RYR2: variants seen among roughly 807,000 people sequenced by gnomAD.
RYR2 encodes cardiac muscle ryanodine receptor-calcium release channel.
Under a neutral mutation model 601.1 loss-of-function variants are expected in RYR2, and 227 were observed. That is an observed-to-expected ratio of 0.38 (90% CI 0.34 to 0.42). The LOEUF (loss-of-function observed/expected upper bound fraction) is 0.42, where lower values mean the gene tolerates loss of function less well. Ranked by LOEUF, RYR2 falls within the 10% of genes least tolerant of loss-of-function variation. The pLI, the probability that RYR2 is intolerant of heterozygous loss-of-function variation, is 1.00. For synonymous variants in RYR2, 2,223 were observed against 2,175.1 expected (o/e 1.02, Z -0.61); for missense variants, 4,646 against 6,156.5 (o/e 0.75, Z 8.21).
chr1:237,706,840 C>T (rs1236424740), intron 67 of RYR2, 109 bp from the exon 68 acceptor site: 7 of 875,798 alleles, frequency 8.0e-6, no homozygotes, highest in South Asian at 6.2e-5. Context: ...AGGCATGCCA[C>T]GTCTTGCTAA....
At chr1:237,354,158 T>C (rs758440280) in intron 3 of RYR2, among the ~76,000 whole-genome samples, 1 of 152,226 alleles carries the variant, frequency 6.6e-6, no homozygotes, top group Non-Finnish European at 1.5e-5. Flanking sequence ...TAAGCTTTTC[T>C]TTGGGTATTT....
At chr1:237,642,084 G>A (rs1031565688) in intron 47 of RYR2, among the ~76,000 whole-genome samples, 20 of 152,128 alleles carry the variant, frequency 1.3e-4, no homozygotes, top group Admixed American at 9.8e-4. Flanking sequence ...TTGGTGCTGG[G>A]GTAGTTAAGA....
At chr1:237,369,733 C>A in intron 6 of RYR2, 125 bp downstream of exon 6, 1 of 751,634 alleles carries the variant, frequency 1.3e-6, no homozygotes, top group Non-Finnish European at 2.2e-6. Flanking sequence ...TGTGTTCTTT[C>A]ATATCTTTGT....
At chr1:237,544,362 C>T (rs1369607321) in intron 25 of RYR2, among the ~76,000 whole-genome samples, 1 of 152,070 alleles carries the variant, frequency 6.6e-6, no homozygotes, top group African/African-American at 2.4e-5. Context: ...AGAAGTTTCT[C>T]ATGATGTTTG....
chr1:237,733,452 A>G (rs951060574), intron 78 of RYR2, among the ~76,000 whole-genome samples: 1 of 152,194 alleles, frequency 6.6e-6, no homozygotes, highest in Non-Finnish European at 1.5e-5. Flanking sequence ...ACCAAAAGAC[A>G]GTTTATTTTG....
chr1:237,460,388 A>G (rs1045919701), intron 16 of RYR2, among the ~76,000 whole-genome samples: 6 of 152,110 alleles, frequency 3.9e-5, no homozygotes, highest in African/African-American at 1.4e-4. Flanking sequence ...CACTGTTGAA[A>G]CTGGGTCAAC....
intron 62 of RYR2, 92 bp from the exon 63 acceptor site, chr1:237,687,361 TTC>T: frequency 3.2e-6 from 2 of 632,864 alleles, no homozygotes; most frequent in Non-Finnish European, 5.1e-6. Flanking sequence ...TTCTTTTTTC[TTC>T]TTCTTTTTTT....
In RYR2 at chr1:237,064,762, T is replaced by A. The variant is rs1375252183; in HGVS notation, c.48+22193T>A. Among the ~76,000 whole-genome samples the A allele has an allele frequency of 2.5e-3, 79 of 31,380 alleles. No homozygotes were observed. The East Asian group carries it at 0.05, about 20-fold the overall frequency. The allele number at this position is 31,380 out of a possible 152,430, so 20.6% of individuals were successfully genotyped here. On this transcript the variant is annotated intron_variant, in intron 1 of 104. Coordinates refer to ENST00000366574, the MANE Select transcript of RYR2 (RefSeq NM_001035.3). ...TTACTAGAACCTGTCTTTTTTTTTT[T>A]TTTTTTTTTTTTTTTTTTTTACTAG...
At chr1:237,165,954 C>T (rs1308697887) in intron 1 of RYR2, among the ~76,000 whole-genome samples, 1 of 152,134 alleles carries the variant, frequency 6.6e-6, no homozygotes, top group Non-Finnish European at 1.5e-5. Flanking sequence ...TATGATGCTG[C>T]TGCTGCACTC....
intron 10 of RYR2, among the ~76,000 whole-genome samples, chr1:237,409,583 C>T (rs1411030599): frequency 2.6e-5 from 4 of 152,010 alleles, no homozygotes; most frequent in Non-Finnish European, 4.4e-5. Flanking sequence ...TCTAGAAATA[C>T]CTGTTATGAC....
chr1:237,365,299 C>T (rs184685113), intron 5 of RYR2, among the ~76,000 whole-genome samples: 6 of 152,246 alleles, frequency 3.9e-5, no homozygotes, highest in Admixed American at 3.9e-4. Flanking sequence ...AAAGGAAGCG[C>T]GTTCTTGTCA....
At chr1:237,623,161 A>C (rs1679245354) in intron 38 of RYR2, among the ~76,000 whole-genome samples, 1 of 152,224 alleles carries the variant, frequency 6.6e-6, no homozygotes, top group Non-Finnish European at 1.5e-5. Flanking sequence ...CTTAAAGTAT[A>C]CAAGAGTCTG....
Position 237,819,740 on chromosome 1 carries a change from C to A in RYR2, c.14590+548C>A, listed in dbSNP as rs1558482188. ...GGCTGAGGCAGGAGAATTGCTTGAA[C>A]CCGGGAGGTGGAGGTTGCAGTGAGC... On this transcript the variant is annotated intron_variant, in intron 101 of 104. Coordinates refer to ENST00000366574, the MANE Select transcript of RYR2 (RefSeq NM_001035.3). The surrounding 1 kb of genome is among the most constrained non-coding windows in gnomAD (Gnocchi z 4.0). 6.6e-6 allele frequency among the ~76,000 whole-genome samples: 1 copy of A among 152,174 alleles called. No homozygotes were observed. The highest frequency in any genetic ancestry group is 2.4e-5 in the African/African-American group (1 of 41,506).
intron 28 of RYR2, 120 bp downstream of exon 28, chr1:237,566,895 T>A: frequency 9.7e-7 from 1 of 1,029,994 alleles, no homozygotes; most frequent in Non-Finnish European, 1.5e-6. Flanking sequence ...GGAAAAATAT[T>A]TCACAGGAAA....
intron 23 of RYR2, among the ~76,000 whole-genome samples, chr1:237,509,957 T>C (rs1393763627): frequency 1.3e-5 from 2 of 152,126 alleles, no homozygotes; most frequent in Non-Finnish European, 2.9e-5. Context: ...ACCTCTGCTG[T>C]GGTGTGGAGA....
chr1:237,450,105 C>T (rs998117421), intron 14 of RYR2, among the ~76,000 whole-genome samples: 12 of 152,142 alleles, frequency 7.9e-5, no homozygotes, highest in Admixed American at 2.6e-4. Flanking sequence ...TGGGGACAGG[C>T]GCTGTTTTAG....
chr1:237,163,741 T>C (rs1243984196), intron 1 of RYR2, among the ~76,000 whole-genome samples: 3 of 152,218 alleles, frequency 2.0e-5, no homozygotes, highest in Non-Finnish European at 4.4e-5. Context: ...TGGAGTGTGT[T>C]AGTTTTACCA....
intron 103 of RYR2, 55 bp downstream of exon 103, chr1:237,830,685 T>C: frequency 3.6e-6 from 3 of 836,190 alleles, no homozygotes; most frequent in Non-Finnish European, 4.0e-6. Flanking sequence ...CACTGGTCCC[T>C]GCCCATCTCA....
At chr1:237,598,638 A>G (rs1676149454) in intron 34 of RYR2, among the ~76,000 whole-genome samples, 2 of 152,190 alleles carry the variant, frequency 1.3e-5, no homozygotes, top group Admixed American at 6.5e-5. Context: ...CAACATACCA[A>G]AAGCTATGGG....
Sources: gnomAD v4.1 joint callset for allele counts (sites outside exome capture counted in the v4.1 genomes callset) on GRCh38, gnomAD v4.1.1 for gene constraint, Gnocchi (gnomAD v3.1) non-coding constraint, MANE v1.5 for transcripts, NCBI Gene and HGNC (gene_info 2026-07-23, HGNC 2026-07-21) for gene names.